SLC44A5: variants seen among roughly 807,000 people sequenced by gnomAD.
The protein encoded by SLC44A5 is choline transporter-like protein 5.
In SLC44A5, 57 loss-of-function variants were observed where a neutral mutation model predicts 101.8. The observed-to-expected ratio is 0.56, with a 90% CI of 0.45 to 0.70. SLC44A5 has a LOEUF of 0.70. Ranked by LOEUF, SLC44A5 falls within the 30% of genes least tolerant of loss-of-function variation. The probability of loss-of-function intolerance (pLI) is 0.00; values close to 1 mark genes in which losing one functional copy is unlikely to be tolerated. For synonymous variants in SLC44A5, 281 were observed against 290.9 expected (o/e 0.97, Z 0.35); for missense variants, 737 against 853.1 (o/e 0.86, Z 1.70).
At chr1:75,528,214 A>C (rs1670526239) in intron 2 of SLC44A5, among the ~76,000 whole-genome samples, 1 of 152,212 alleles carries the variant, frequency 6.6e-6, no homozygotes, top group South Asian at 2.1e-4. Context: ...AAACATAATT[A>C]CTTCTCTTTC....
intron 4 of SLC44A5, among the ~76,000 whole-genome samples, chr1:75,310,208 G>A (rs766562099): frequency 3.9e-5 from 6 of 152,190 alleles, no homozygotes; most frequent in Admixed American, 2.6e-4. Context: ...GAATTTATTT[G>A]TTAAATACAA....
Position 75,218,651 on chromosome 1 carries a change from G to A in SLC44A5, c.1368C>T (p.Phe456=). ...GAAAGACAAATAAGTTGTATACATG[G>A]AAGGTAGGGATGTACTGATGGTACA... ...KSLYHQYIPT[F]HVYNLFVFLW... The change falls in exon 17 of 24, where the codon TTC becomes TTT. Residue 456 remains phenylalanine (F), a synonymous_variant. Coordinates refer to ENST00000370859, the MANE Select transcript of SLC44A5 (RefSeq NM_001130058.2). 3 of 1,613,862 alleles carry A rather than the reference G, an allele frequency of 1.9e-6. No individual in the cohort carries two copies. The highest frequency in any genetic ancestry group is 1.7e-6 in the Non-Finnish European group (2 of 1,179,802).
At chr1:75,280,500 A>G (rs1652441216) in intron 5 of SLC44A5, among the ~76,000 whole-genome samples, 1 of 125,406 alleles carries the variant, frequency 8.0e-6, no homozygotes, top group African/African-American at 3.0e-5. Flanking sequence ...TATATTATAT[A>G]TATATATAAA....
intron 22 of SLC44A5, among the ~76,000 whole-genome samples, chr1:75,211,922 CTTCT>C (rs1489918662): frequency 1.7e-4 from 23 of 138,890 alleles, no homozygotes; most frequent in African/African-American, 4.8e-4. Flanking sequence ...TTCTTCCTTT[CTTCT>C]TTCTTTCTTT....
chr1:75,477,658 G>A (rs182233389), intron 2 of SLC44A5, among the ~76,000 whole-genome samples: 4 of 152,298 alleles, frequency 2.6e-5, no homozygotes, highest in Admixed American at 1.3e-4. Context: ...ATCAGTGATG[G>A]AAGATGAAAA....
intron 4 of SLC44A5, among the ~76,000 whole-genome samples, chr1:75,335,537 G>A (rs893768887): frequency 1.3e-5 from 2 of 152,154 alleles, no homozygotes; most frequent in East Asian, 1.9e-4. Context: ...GGTCAAGAGA[G>A]CAGGATCCTT....
rs193019932 is a variant in SLC44A5 at position 75,442,719 on chromosome 1, T to C, written c.14-46098A>G. 2.3e-3 allele frequency among the ~76,000 whole-genome samples: 354 copies of C among 152,296 alleles called. 1 individual carries two copies. The highest frequency in any genetic ancestry group is 0.01 in the Middle Eastern group (3 of 294). On this transcript the variant is annotated intron_variant, in intron 2 of 23. Coordinates refer to ENST00000370859, the MANE Select transcript of SLC44A5 (RefSeq NM_001130058.2). ...GTTCAGCGAAGACTCTTTCACTTACTGCAAGACCCCTCTGCAGCCATCGCT... is the reference window on the plus strand; with the variant it reads ...GTTCAGCGAAGACTCTTTCACTTACCGCAAGACCCCTCTGCAGCCATCGCT...
intron 2 of SLC44A5, among the ~76,000 whole-genome samples, chr1:75,484,530 T>C (rs1012691189): frequency 3.9e-5 from 6 of 152,222 alleles, no homozygotes; most frequent in African/African-American, 7.2e-5. Context: ...GTGGCTGCTT[T>C]CACTAGCTGG....
At chr1:75,516,846 C>G (rs377148550) in intron 2 of SLC44A5, among the ~76,000 whole-genome samples, 4 of 152,160 alleles carry the variant, frequency 2.6e-5, no homozygotes, top group Non-Finnish European at 5.9e-5. Context: ...ATTTTAAAAT[C>G]TATCATTTAA....
At chr1:75,564,630 T>TATTTATTTA in intron 1 of SLC44A5, among the ~76,000 whole-genome samples, 1 of 151,106 alleles carries the variant, frequency 6.6e-6, no homozygotes, top group Non-Finnish European at 1.5e-5. Context: ...TTTATTTATT[T>TATTTATTTA]ATTTTTCGAG....
At chr1:75,387,762 G>A (rs1423070626) in intron 3 of SLC44A5, among the ~76,000 whole-genome samples, 4 of 86,252 alleles carry the variant, frequency 4.6e-5, no homozygotes, top group East Asian at 3.8e-4. Context: ...ACATGCACAC[G>A]TATGTTTATT....
At chr1:75,428,536 G>A (rs1034656901) in intron 2 of SLC44A5, among the ~76,000 whole-genome samples, 3 of 152,084 alleles carry the variant, frequency 2.0e-5, no homozygotes, top group East Asian at 3.9e-4. Flanking sequence ...AATGTGATCC[G>A]ATCAGATGTT....
At chr1:75,407,594 A>G (rs1396102203) in intron 2 of SLC44A5, among the ~76,000 whole-genome samples, 1 of 152,222 alleles carries the variant, frequency 6.6e-6, no homozygotes, top group African/African-American at 2.4e-5. Context: ...AAACCTGACA[A>G]AAACAAGCAA....
intron 1 of SLC44A5, among the ~76,000 whole-genome samples, chr1:75,608,940 A>G (rs1269675076): frequency 1.3e-5 from 2 of 151,696 alleles, no homozygotes; most frequent in Non-Finnish European, 2.9e-5. Context: ...AATATCAACA[A>G]TGTATTCATG....
intron 3 of SLC44A5, among the ~76,000 whole-genome samples, chr1:75,376,555 C>G (rs1455635958): frequency 2.0e-5 from 3 of 152,176 alleles, no homozygotes; most frequent in Non-Finnish European, 4.4e-5. Context: ...GGGAGGCACC[C>G]CCCAGCAGGG....
the SLC44A5 span, among the ~76,000 whole-genome samples, chr1:75,643,588 T>C: frequency 1.3e-5 from 2 of 152,182 alleles, no homozygotes; most frequent in Non-Finnish European, 2.9e-5. Context: ...CCATGTGTCA[T>C]AGGAGGGGCC....
the SLC44A5 span, among the ~76,000 whole-genome samples, chr1:75,659,270 C>T: frequency 5.3e-5 from 7 of 132,750 alleles, no homozygotes; most frequent in Admixed American, 3.3e-4. Flanking sequence ...GCCAGCATTA[C>T]TCTCATATCA....
rs563637738 is a variant in SLC44A5, at chr1:75,213,275, C to T, written c.1962+430G>A. Among the ~76,000 whole-genome samples, 4 of 152,244 alleles carry T rather than the reference C, an allele frequency of 2.6e-5. No homozygotes were observed. In the East Asian group the frequency reaches 7.7e-4, roughly 29 times the overall value. On this transcript the variant is annotated intron_variant, in intron 22 of 23. Coordinates refer to ENST00000370859, the MANE Select transcript of SLC44A5 (RefSeq NM_001130058.2). ...CATAAAGTAAGACCAATAATTTTTG[C>T]TATCATTACTATTTCTACTATTCCT... is the stretch of plus-strand genomic sequence containing the variant.
intron 2 of SLC44A5, among the ~76,000 whole-genome samples, chr1:75,501,117 T>C (rs1668935999): frequency 1.3e-5 from 2 of 152,270 alleles, no homozygotes; most frequent in Middle Eastern, 3.4e-3. Flanking sequence ...TGTATTGATA[T>C]ATAAGATCAC....
Sources: gnomAD v4.1 joint callset for allele counts (sites outside exome capture counted in the v4.1 genomes callset) on GRCh38, gnomAD v4.1.1 for gene constraint, MANE v1.5 for transcripts, NCBI Gene and HGNC (gene_info 2026-07-23, HGNC 2026-07-21) for gene names.